The following COL17A1 variants were observed in gnomAD, a reference collection of about 807,000 sequenced individuals.
COL17A1 encodes collagen type XVII alpha 1 chain.
Under a neutral mutation model 218.4 loss-of-function variants are expected in COL17A1, and 181 were observed. That is an observed-to-expected ratio of 0.83 (90% CI 0.73 to 0.94). The LOEUF is 0.94. Ranked by LOEUF, COL17A1 falls within the 40% of genes least tolerant of loss-of-function variation. The probability of loss-of-function intolerance (pLI) is 0.00; values close to 1 mark genes in which losing one functional copy is unlikely to be tolerated. For missense variants in COL17A1, 1,924 were observed against 1,945.9 expected (o/e 0.99, Z 0.21); for synonymous variants, 721 against 731.0 (o/e 0.99, Z 0.22).
At position 104,055,352 on chromosome 10, in the gene COL17A1, G is replaced by C; in HGVS notation, c.1717+20C>G. 1.9e-6 allele frequency: 3 copies of C among 1,610,458 alleles called. No homozygotes were observed. Among genetic ancestry groups the C allele is most frequent in the Non-Finnish European group, 2.5e-6 (3 of 1,177,976 alleles). The stretch of plus-strand genomic sequence containing the variant: ...ACTGCAGGAAATGAATCAGAGACAA[G>C]GTTCAATCCATGGCAATACCTTTAG... On this transcript the variant is annotated intron_variant, in intron 19 of 55. Transcript: ENST00000648076.
intron 41 of COL17A1, 33 bp downstream of exon 41, chr10:104,039,940 C>A: frequency 6.2e-7 from 1 of 1,614,136 alleles, no homozygotes; most frequent in Non-Finnish European, 8.5e-7. Flanking sequence ...CCACCCCTAC[C>A]CCAGGTTTTG....
At position 104,035,530 on chromosome 10, in the gene COL17A1, G is replaced by A. The variant is rs150968209; in HGVS notation, c.3452C>T (p.Pro1151Leu). 4.8e-4 allele frequency: 767 copies of A among 1,613,754 alleles called. No individual in the cohort carries two copies. The highest frequency in any genetic ancestry group is 6.0e-4 in the Non-Finnish European group (704 of 1,179,910). Residue 1151 changes from proline to leucine, a missense_variant, in exon 49 of 56, where the codon CCG (proline) becomes CTG (leucine). By Grantham distance (98) the Pro-to-Leu change is moderately conservative. Transcript: ENST00000648076. The stretch of plus-strand genomic sequence containing the variant: ...GGTTCCCGGCAAGCCAGGGGGCCCC[G>A]GGGGACCAGGAAGCCCAATGCTGAT... ...SGISIGLPGP[P>L]GPPGLPGTSY...
chr10:104,074,893 G>T (rs375052448), intron 5 of COL17A1, among the ~76,000 whole-genome samples: 49 of 152,306 alleles, frequency 3.2e-4, no homozygotes, highest in African/African-American at 1.2e-3. Context: ...TGGCCACCTG[G>T]CTGGTCAGTT....
rs202160225 is a variant in COL17A1 at position 104,070,503 on chromosome 10, C to T, written c.530G>A (p.Arg177Gln). The change falls in exon 9 of 56, where the codon CGG (arginine) becomes CAG (glutamine). Residue 177 changes from arginine to glutamine, a missense_variant. Arg to Gln is a conservative substitution (Grantham distance 43, BLOSUM62 1). Transcript: ENST00000648076. ...GATGGGGAGTGTGTTGGAGGAATTC[C>T]GGGTGGGGCTCACACTTGCCGATCG... ...GSRSASVSPT[R>Q]NSSNTLPIPK... The T allele has an allele frequency of 4.5e-5, 72 of 1,614,010 alleles. No individual in the cohort carries two copies. Among genetic ancestry groups the T allele is most frequent in the Non-Finnish European group, 5.7e-5 (67 of 1,180,026 alleles).
In COL17A1 at chr10:104,059,802, TACCCTGCTTGGGAAGGTCTAGGTTAG is replaced by T. The variant is rs1321396517; in HGVS notation, c.1142-110_1142-85del. On this transcript the variant is annotated intron_variant, in intron 14 of 55. Coordinates refer to ENST00000648076, the MANE Select transcript of COL17A1 (RefSeq NM_000494.4). ...CTGTGTTCCCCCCGCCCTTGCCCAC[TACCCTGCTTGGGAAGGTCTAGGTTAG>T]ACTGGTAAGAAGAGCCCCTCTTTCC... The T allele has an allele frequency of 3.6e-6, 5 of 1,395,854 alleles. No homozygotes were observed. The African/African-American group carries it at 5.7e-5, about 16-fold the overall frequency. 86.5% of individuals were successfully genotyped at this position (1,395,854 alleles called of 1,614,324 possible). A position where few individuals can be genotyped will look rare whatever the true frequency, so the allele number is the denominator to read the frequency against.
In COL17A1 at chr10:104,057,133, C is replaced by T. The variant is rs61731082; in HGVS notation, c.1307G>A (p.Gly436Glu). Residue 436 changes from glycine (G) to glutamate (E), a missense_variant, in exon 17 of 56, where the codon GGA becomes GAA. Transcript: ENST00000648076. Reference protein sequence around the residue: ...SYGSSGGGGSGGGGGVGGAGG... With the variant: ...SYGSSGGGGSEGGGGVGGAGG... ...AGCGCCACCAACACCGCCACCTCCT[C>T]CACTGCCACCACCACCACTGCTGCC... The T allele has an allele frequency of 5.7e-4, 913 of 1,603,378 alleles. 5 individuals carry two copies. In the African/African-American group the frequency reaches 0.012, roughly 22 times the overall value.
chr10:104,046,798 G>T, intron 31 of COL17A1, 25 bp from the exon 32 acceptor site: 2 of 1,612,784 alleles, frequency 1.2e-6, no homozygotes, highest in Non-Finnish European at 1.7e-6. Context: ...ACACAAGAGG[G>T]AAGAGTTGAA....
intron 9 of COL17A1, among the ~76,000 whole-genome samples, chr10:104,067,373 A>G (rs987840179): frequency 6.7e-6 from 1 of 149,732 alleles, no homozygotes; most frequent in African/African-American, 2.4e-5. Flanking sequence ...GATTACATCC[A>G]GAGGACCTAG....
At chr10:104,077,367 GTC>G in intron 4 of COL17A1, 53 bp downstream of exon 4, 2 of 1,403,956 alleles carry the variant, frequency 1.4e-6, no homozygotes, top group Non-Finnish European at 2.0e-6. Context: ...CTTTCTTGGT[GTC>G]TCTCTCTTTG....
chr10:104,061,427 G>A lies in COL17A1; in HGVS notation c.957C>T (p.Asn319=). 1 of 1,613,686 alleles carries A rather than the reference G, an allele frequency of 6.2e-7. No individual in the cohort carries two copies. The highest frequency in any genetic ancestry group is 1.1e-5 in the South Asian group (1 of 91,040). ...KNMPQSPAAV[N]TGVSTSAACT... is the part of the protein sequence containing the mutation. ...CACCGGCGGAGGTGGAAACGCCAGT[G>A]TTCACAGCCGCAGGACTCTGGGGCA... Residue 319 remains asparagine, a synonymous_variant, in exon 13 of 56, where the codon AAC becomes AAT. Coordinates refer to ENST00000648076, the MANE Select transcript of COL17A1 (RefSeq NM_000494.4).
intron 9 of COL17A1, 59 bp from the exon 10 acceptor site, chr10:104,064,655 G>C: frequency 6.8e-7 from 1 of 1,480,792 alleles, no homozygotes; most frequent in Non-Finnish European, 9.3e-7. Context: ...CCCTGCTGGG[G>C]AATCTAGTCA....
intron 26 of COL17A1, 89 bp from the exon 27 acceptor site, chr10:104,050,745 C>G: frequency 6.2e-7 from 1 of 1,614,002 alleles, no homozygotes; most frequent in Non-Finnish European, 8.5e-7. Flanking sequence ...CAGGCTCCCT[C>G]AATCCTGACT....
intron 7 of COL17A1, 77 bp from the exon 8 acceptor site, chr10:104,072,156 G>A: frequency 3.8e-6 from 6 of 1,597,986 alleles, no homozygotes; most frequent in East Asian, 4.5e-5. Context: ...ACTCCTAGCA[G>A]CAGATGGCCC....
At chr10:104,040,947 T>C (rs926287855) in intron 39 of COL17A1, 118 bp downstream of exon 39, 43 of 1,111,576 alleles carry the variant, frequency 3.9e-5, no homozygotes, top group Non-Finnish European at 5.7e-5. Context: ...CATATCCCCA[T>C]GGAAGTCAGG....
At chr10:104,040,210 G>A (rs1237608522) in intron 40 of COL17A1, 141 bp downstream of exon 40, 7 of 907,614 alleles carry the variant, frequency 7.7e-6, no homozygotes, top group African/African-American at 6.5e-5. Flanking sequence ...TTTGCTCCAG[G>A]CTGCTGAGTT....
chr10:104,036,035 A>C (rs1589556410), intron 48 of COL17A1, among the ~76,000 whole-genome samples: 1 of 57,480 alleles, frequency 1.7e-5, no homozygotes, highest in Admixed American at 2.1e-4. Flanking sequence ...TGAGTATGGA[A>C]GTGTGTGTAT....
At chr10:104,075,949 G>A (rs1448432423) in intron 5 of COL17A1, among the ~76,000 whole-genome samples, 2 of 152,176 alleles carry the variant, frequency 1.3e-5, no homozygotes, top group Non-Finnish European at 2.9e-5. Context: ...TTATACAATT[G>A]TATTTTATCT....
At chr10:104,071,978 C>A in intron 8 of COL17A1, 54 bp downstream of exon 8, 2 of 1,611,894 alleles carry the variant, frequency 1.2e-6, no homozygotes, top group Non-Finnish European at 1.7e-6. Flanking sequence ...ACACACACAG[C>A]ACTAGCCCTG....
At chr10:104,036,657 A>G in intron 47 of COL17A1, 25 bp from the exon 48 acceptor site, 1 of 1,612,546 alleles carries the variant, frequency 6.2e-7, no homozygotes, top group Non-Finnish European at 8.5e-7. Flanking sequence ...ATGCACTAGC[A>G]GGACCCACCC....
Sources: allele counts gnomAD v4.1 joint callset (sites outside exome capture counted in the v4.1 genomes callset), GRCh38; gene constraint gnomAD v4.1.1; transcripts MANE v1.5; gene names NCBI Gene and HGNC (gene_info 2026-07-23, HGNC 2026-07-21).